Variants in WBP2 observed in about 807,000 individuals in gnomAD.
The protein encoded by WBP2 is WW domain binding protein 2.
WBP2 carries 23 observed loss-of-function variants against 33.0 expected under a neutral mutation model. That is an observed-to-expected ratio of 0.70 (90% confidence interval 0.50 to 0.99). The LOEUF is 0.99. Ranked by LOEUF, WBP2 falls within the 50% of genes least tolerant of loss-of-function variation. The pLI, the probability that WBP2 is intolerant of heterozygous loss-of-function variation, is 0.00. For missense variants in WBP2, 353 were observed against 358.0 expected (o/e 0.99, Z 0.11); for synonymous variants, 153 against 133.5 (o/e 1.15, Z -1.01).
rs1279763172 is a variant in WBP2, at chr17:75,850,307, G to A, written c.169-568C>T. 3.3e-5 allele frequency among the ~76,000 whole-genome samples: 5 copies of A among 151,004 alleles called. No homozygotes were observed. The South Asian group carries it at 8.4e-4, about 25-fold the overall frequency. The stretch of plus-strand genomic sequence containing the variant: ...GTTGCCTGGGCTGGAGTGCAGTGGC[G>A]CGATCTTGGCTCGCTGCAAGCTCCG... On this transcript the variant is annotated intron_variant, in intron 2 of 7. Coordinates refer to ENST00000254806, the MANE Select transcript of WBP2 (RefSeq NM_012478.4).
At chr17:75,851,772 G>A (rs144224979) in intron 1 of WBP2, 96 bp from the exon 2 acceptor site, 132 of 890,678 alleles carry the variant, frequency 1.5e-4, no homozygotes, top group Non-Finnish European at 2.4e-4. Context: ...TGCCCGGCAC[G>A]TCAGCTCTCA....
At chr17:75,854,972 C>G (rs1445684485) in intron 1 of WBP2, among the ~76,000 whole-genome samples, 1 of 152,076 alleles carries the variant, frequency 6.6e-6, no homozygotes, top group East Asian at 1.9e-4. Context: ...GGAAGGGGTT[C>G]AAGAATCACC....
chr17:75,847,936 A>G lies in WBP2; in HGVS notation c.398-6T>C. The G allele has an allele frequency of 6.4e-7, 1 of 1,563,692 alleles. No individual in the cohort carries two copies. The highest frequency in any genetic ancestry group is 8.7e-7 in the Non-Finnish European group (1 of 1,154,152). On this transcript the variant is annotated splice_region_variant and splice_polypyrimidine_tract_variant and intron_variant, in intron 4 of 7. Transcript: ENST00000254806. Reference sequence around the variant, plus strand: ...GGGGACTTCACCTCTGGAGGCTACGAGTACAAGGGGAAAGAGAAATGAGCG... The same window carrying G: ...GGGGACTTCACCTCTGGAGGCTACGGGTACAAGGGGAAAGAGAAATGAGCG...
chr17:75,847,675 G>A (rs75897328), intron 5 of WBP2, 66 bp from the exon 6 acceptor site: 1 of 1,605,088 alleles, frequency 6.2e-7, no homozygotes, highest in Non-Finnish European at 8.5e-7. Flanking sequence ...CGGGTGAGGG[G>A]GGCCTCTCCA....
rs1387495088 is a variant in WBP2, at chr17:75,847,590, G to T, written c.552C>A (p.Pro184=). ...PPPPEFYPGP[P]MMDGAMGYVQ... is the part of the protein sequence containing the mutation. ...CGTATCCCATGGCCCCGTCCATCAT[G>T]GGGGGTCCTGGATAGAACTCTGCTC... Residue 184 remains proline (P), a synonymous_variant, in exon 6 of 8, where the codon CCC becomes CCA. Transcript: ENST00000254806. 6.2e-7 allele frequency: 1 copy of T among 1,612,300 alleles called. No homozygotes were observed. The highest frequency in any genetic ancestry group is 8.5e-7 in the Non-Finnish European group (1 of 1,179,208).
intron 1 of WBP2, among the ~76,000 whole-genome samples, chr17:75,853,407 G>C (rs1259061602): frequency 6.6e-6 from 1 of 152,190 alleles, no homozygotes; most frequent in African/African-American, 2.4e-5. Flanking sequence ...AACTTTTTCA[G>C]ACAGCAGGCT....
chr17:75,849,573 C>A (rs1317772388), intron 3 of WBP2, 31 bp downstream of exon 3: 27 of 1,613,264 alleles, frequency 1.7e-5, no homozygotes, highest in Non-Finnish European at 2.3e-5. Flanking sequence ...CCTGCAGGCC[C>A]CATGCGTGTC....
Position 75,849,634 on chromosome 17 carries a change from T to C in WBP2, c.274A>G (p.Ile92Val), listed in dbSNP as rs777414800. 22 of 1,614,040 alleles carry C rather than the reference T, an allele frequency of 1.4e-5. No homozygotes were observed. The highest frequency in any genetic ancestry group is 8.5e-7 in the Non-Finnish European group (1 of 1,180,004). Residue 92 changes from isoleucine (I) to valine (V), a missense_variant, in exon 3 of 8, where the codon ATC (isoleucine) becomes GTC (valine). By Grantham distance (29) the Ile-to-Val change is conservative (BLOSUM62 3). Coordinates refer to ENST00000254806, the MANE Select transcript of WBP2 (RefSeq NM_012478.4). ...IKQPVFGANY[I>V]KGTVKAEAGG... is the part of the protein sequence containing the mutation. ...GCTTCCGCCTTCACTGTTCCCTTGA[T>C]GTAGTTTGCACCAAATACGGGCTGC...
chr17:75,847,442 G>A (rs2065000247), intron 6 of WBP2, 45 bp downstream of exon 6: 1 of 1,572,478 alleles, frequency 6.4e-7, no homozygotes, highest in Non-Finnish European at 8.6e-7. Context: ...CATCGGGGAG[G>A]AGAGGGCTGG....
At position 75,846,070 on chromosome 17, in the gene WBP2, C is replaced by G. The variant is rs1228192576; in HGVS notation, c.*664G>C. 2 of 152,674 alleles carry G rather than the reference C, an allele frequency of 1.3e-5. No individual in the cohort carries two copies. Among genetic ancestry groups the G allele is most frequent in the Non-Finnish European group, 2.9e-5 (2 of 68,350 alleles). The allele number at this position is 152,674 out of a possible 1,614,324, so 9.5% of individuals were successfully genotyped here. Reference sequence around the variant, plus strand: ...GTGAGAGGTGAGGGAAAGCAAATTCCAGAAACACCAGCAAAAGGCAGAAGG... The same window carrying G: ...GTGAGAGGTGAGGGAAAGCAAATTCGAGAAACACCAGCAAAAGGCAGAAGG... On this transcript the variant is annotated 3_prime_UTR_variant, in exon 8 of 8. Transcript: ENST00000254806. This position sits in a 1 kb window ranked among gnomAD's most constrained non-coding sequence, Gnocchi z 4.8.
chr17:75,847,346 C>A lies in WBP2; in HGVS notation c.655+141G>T, dbSNP rs772192733. On this transcript the variant is annotated intron_variant, in intron 6 of 7. Coordinates refer to ENST00000254806, the MANE Select transcript of WBP2 (RefSeq NM_012478.4). ...TAGCTCCGCTCCACCAGGCCACAGCCCTGCTGGGCCCCTGGGGTAGTCCAG... is the reference window on the plus strand; with the variant it reads ...TAGCTCCGCTCCACCAGGCCACAGCACTGCTGGGCCCCTGGGGTAGTCCAG... 57 of 1,352,024 alleles carry A rather than the reference C, an allele frequency of 4.2e-5. No individual in the cohort carries two copies. The Middle Eastern group carries it at 7.0e-4, about 17-fold the overall frequency. 83.8% of individuals were successfully genotyped at this position (1,352,024 alleles called of 1,614,324 possible).
chr17:75,851,772 G>C, intron 1 of WBP2, 96 bp from the exon 2 acceptor site: 1 of 890,686 alleles, frequency 1.1e-6, no homozygotes, highest in Non-Finnish European at 1.9e-6. Flanking sequence ...TGCCCGGCAC[G>C]TCAGCTCTCA....
chr17:75,847,902 G>C lies in WBP2; in HGVS notation c.426C>G (p.Ala142=). Residue 142 remains alanine, a synonymous_variant, in exon 5 of 8, where the codon GCC becomes GCG. Coordinates refer to ENST00000254806, the MANE Select transcript of WBP2 (RefSeq NM_012478.4). ...QASRGEVPSG[A]YGYSYMPSGA... is the part of the protein sequence containing the mutation. Reference sequence around the variant, plus strand: ...CGCTGGGCATGTAAGAGTAGCCATAGGCTCCACTGGGGACTTCACCTCTGG... The same window carrying C: ...CGCTGGGCATGTAAGAGTAGCCATACGCTCCACTGGGGACTTCACCTCTGG... The C allele has an allele frequency of 6.4e-7, 1 of 1,561,956 alleles. No homozygotes were observed. Among genetic ancestry groups the C allele is most frequent in the Non-Finnish European group, 8.7e-7 (1 of 1,152,994 alleles).
intron 2 of WBP2, among the ~76,000 whole-genome samples, chr17:75,850,598 G>C (rs973979722): frequency 6.6e-6 from 1 of 152,104 alleles, no homozygotes; most frequent in Non-Finnish European, 1.5e-5. Flanking sequence ...GTGCCAAGTT[G>C]AGCCTCCAGA....
chr17:75,855,343 C>T, upstream of WBP2: 1 of 1,597,652 alleles, frequency 6.3e-7, no homozygotes, highest in Non-Finnish European at 8.5e-7. Flanking sequence ...AATGAGCTTG[C>T]GCCCCTCTTC....
chr17:75,856,276 C>G (rs946880158), upstream of WBP2: 1 of 152,362 alleles, frequency 6.6e-6, no homozygotes, highest in Non-Finnish European at 1.5e-5. Context: ...GAGCTGAATC[C>G]GTGAGGCGGA....
In WBP2 at chr17:75,849,680, G is replaced by A. The variant is rs1053891937; in HGVS notation, c.228C>T (p.Leu76=). ...GCTGCTTGATCTCACAGTCTTTCAT[G>A]AGATAAAATGGCATCATGAAGGACT... ...AMQSFMMPFY[L]MKDCEIKQPV... is the part of the protein sequence containing the mutation. The change falls in exon 3 of 8, where the codon CTC becomes CTT. Residue 76 remains leucine, a synonymous_variant. Transcript: ENST00000254806. 1.9e-6 allele frequency: 3 copies of A among 1,614,090 alleles called. No homozygotes were observed. The African/African-American group carries it at 4.0e-5, about 22-fold the overall frequency.
chr17:75,854,673 A>C (rs2065047036), intron 1 of WBP2, among the ~76,000 whole-genome samples: 1 of 152,172 alleles, frequency 6.6e-6, no homozygotes, highest in Non-Finnish European at 1.5e-5. Flanking sequence ...AACATACTGG[A>C]AGCCTGTATG....
At position 75,846,950 on chromosome 17, in the gene WBP2, G is replaced by T. The variant is rs1219347485; in HGVS notation, c.690C>A (p.Ala230=). 6.2e-7 allele frequency: 1 copy of T among 1,614,020 alleles called. No homozygotes were observed. The highest frequency in any genetic ancestry group is 8.5e-7 in the Non-Finnish European group (1 of 1,180,008). The stretch of plus-strand genomic sequence containing the variant: ...TGTGAGGATTGCCTGGGTTGTAATA[G>T]GCGCTGGCGGCTGCTTCTGCGGCCT... ...EAKAAEAAAS[A]YYNPGNPHNV... Residue 230 remains alanine (A), a synonymous_variant, in exon 7 of 8, where the codon GCC becomes GCA. Coordinates refer to ENST00000254806, the MANE Select transcript of WBP2 (RefSeq NM_012478.4). The surrounding 1 kb of genome is among the most constrained non-coding windows in gnomAD (Gnocchi z 4.8).
Sources: allele counts gnomAD v4.1 joint callset (sites outside exome capture counted in the v4.1 genomes callset), GRCh38; gene constraint gnomAD v4.1.1; non-coding constraint Gnocchi (gnomAD v3.1); transcripts MANE v1.5; gene names NCBI Gene and HGNC (gene_info 2026-07-23, HGNC 2026-07-21).